Variants in KDM3A observed in about 807,000 individuals in gnomAD.
KDM3A encodes the protein lysine-specific demethylase 3A.
Under a neutral mutation model 158.0 loss-of-function variants are expected in KDM3A, and 60 were observed. The observed-to-expected ratio is 0.38, with a 90% CI of 0.31 to 0.47. KDM3A has a LOEUF of 0.47. Among genes scored for constraint, KDM3A ranks in the 20% least tolerant of loss-of-function variants. The pLI, the probability that KDM3A is intolerant of heterozygous loss-of-function variation, is 0.99. For synonymous variants in KDM3A, 608 were observed against 549.3 expected, an observed-to-expected ratio of 1.11 and a Z score of -1.49; for missense variants, 1,319 against 1,574.3, an observed-to-expected ratio of 0.84 and a Z score of 2.74.
At chr2:86,482,878 TC>T in intron 18 of KDM3A, 184 bp downstream of exon 18, 1 of 611,360 alleles carries the variant, frequency 1.6e-6, no homozygotes, top group Non-Finnish European at 2.8e-6. Context: ...AAGCAGATGG[TC>T]CTAAGCTGGA....
rs189404725 is a variant in KDM3A at position 86,485,972 on chromosome 2, C to G, written c.3313+113C>G. On this transcript the variant is annotated intron_variant, in intron 21 of 25. Coordinates refer to ENST00000312912, the MANE Select transcript of KDM3A (RefSeq NM_018433.6). ...ACACCCATAATCCTAATGCGTAATA[C>G]AGCCACAGCTTTCATTTTTACATAT... 19 of 1,044,166 alleles carry G rather than the reference C, an allele frequency of 1.8e-5. No individual in the cohort carries two copies. In the Admixed American group the frequency reaches 4.8e-4, roughly 26 times the overall value. The allele number at this position is 1,044,166 out of a possible 1,614,324, so 64.7% of individuals were successfully genotyped here.
chr2:86,467,019 G>C (rs1673186750), intron 10 of KDM3A, 136 bp downstream of exon 10: 2 of 727,606 alleles, frequency 2.7e-6, no homozygotes, highest in Admixed American at 6.2e-5. Flanking sequence ...TTGAAAGAAG[G>C]TATAATTCCC....
Position 86,492,169 on chromosome 2 carries a change from G to A in KDM3A, c.*50G>A, listed in dbSNP as rs892092247. Reference sequence around the variant, plus strand: ...TACAGGCAGCTGTTCAAACTCTTCAGGCAGGATTCCTGTGGACTTTGAGAT... The same window carrying A: ...TACAGGCAGCTGTTCAAACTCTTCAAGCAGGATTCCTGTGGACTTTGAGAT... On this transcript the variant is annotated 3_prime_UTR_variant, in exon 26 of 26. Coordinates refer to ENST00000312912, the MANE Select transcript of KDM3A (RefSeq NM_018433.6). 1.5e-6 allele frequency: 2 copies of A among 1,370,282 alleles called. No individual in the cohort carries two copies. Among genetic ancestry groups the A allele is most frequent in the Non-Finnish European group, 2.1e-6 (2 of 962,626 alleles). The allele number at this position is 1,370,282 out of a possible 1,614,324, so 84.9% of individuals were successfully genotyped here.
At chr2:86,450,452 C>T (rs1321954031) in intron 3 of KDM3A, among the ~76,000 whole-genome samples, 7 of 152,116 alleles carry the variant, frequency 4.6e-5, no homozygotes, top group Non-Finnish European at 1.0e-4. Flanking sequence ...CTTTAAGGTT[C>T]CCTCTGGATT....
At chr2:86,439,999 C>T (rs1305610949), upstream of KDM3A, among the ~76,000 whole-genome samples, 1 of 152,102 alleles carries the variant, frequency 6.6e-6, no homozygotes. Flanking sequence ...GTGAAATTAA[C>T]CCATTTACAT....
Position 86,492,257 on chromosome 2 carries a change from A to G in KDM3A, c.*138A>G, listed in dbSNP as rs1174224876. 1 of 638,778 alleles carries G rather than the reference A, an allele frequency of 1.6e-6. No individual in the cohort carries two copies. The highest frequency in any genetic ancestry group is 2.8e-6 in the Non-Finnish European group (1 of 357,112). 39.6% of individuals were successfully genotyped at this position (638,778 alleles called of 1,614,324 possible). A position where few individuals can be genotyped will look rare whatever the true frequency, so the allele number is the denominator to read the frequency against. On this transcript the variant is annotated 3_prime_UTR_variant, in exon 26 of 26. Coordinates refer to ENST00000312912, the MANE Select transcript of KDM3A (RefSeq NM_018433.6). ...CTTGTGAGGGTACTCTGTCTAATGT[A>G]TATTTCTAGTGTTTACAGACAGTAA...
At chr2:86,456,898 C>T (rs1672727877) in intron 7 of KDM3A, 21 bp downstream of exon 7, 1 of 1,584,294 alleles carries the variant, frequency 6.3e-7, no homozygotes, top group Non-Finnish European at 8.7e-7. Context: ...TTATTAAAAT[C>T]TTTCTTCTCC....
At chr2:86,460,569 G>A (rs1390252166) in intron 8 of KDM3A, among the ~76,000 whole-genome samples, 1 of 152,158 alleles carries the variant, frequency 6.6e-6, no homozygotes, top group Non-Finnish European at 1.5e-5. Flanking sequence ...CAAGACTCTT[G>A]ACTGTCTTGA....
intron 19 of KDM3A, 89 bp downstream of exon 19, chr2:86,484,247 C>A: frequency 8.8e-7 from 1 of 1,137,932 alleles, no homozygotes; most frequent in Non-Finnish European, 1.3e-6. Flanking sequence ...CAGTGGCAGC[C>A]GCAGCATTTT....
chr2:86,480,626 G>A (rs960192247), intron 16 of KDM3A, among the ~76,000 whole-genome samples: 1 of 152,184 alleles, frequency 6.6e-6, no homozygotes, highest in African/African-American at 2.4e-5. Flanking sequence ...AAGATCTGGA[G>A]CAAAATTTTA....
intron 11 of KDM3A, among the ~76,000 whole-genome samples, chr2:86,472,891 A>C (rs898299503): frequency 6.6e-6 from 1 of 152,156 alleles, no homozygotes. Context: ...TCTTGCTTTT[A>C]TATGAAGTAC....
At chr2:86,449,769 G>T (rs747307099) in intron 2 of KDM3A, 38 bp from the exon 3 acceptor site, 1 of 1,565,872 alleles carries the variant, frequency 6.4e-7, no homozygotes, top group South Asian at 1.2e-5. Flanking sequence ...TTAATAAATT[G>T]AATCTGCTTC....
intron 4 of KDM3A, 29 bp from the exon 5 acceptor site, chr2:86,455,056 T>A: frequency 7.6e-7 from 1 of 1,310,968 alleles, no homozygotes; most frequent in Non-Finnish European, 1.1e-6. Context: ...ACTGTTACCC[T>A]TAACATGTAA....
chr2:86,472,195 A>T (rs1673450515), intron 11 of KDM3A, among the ~76,000 whole-genome samples: 1 of 151,532 alleles, frequency 6.6e-6, no homozygotes, highest in African/African-American at 2.4e-5. Context: ...TTTTTGTAAC[A>T]GTCTAGAAGT....
At position 86,470,271 on chromosome 2, in the gene KDM3A, C is replaced by T. The variant is rs371780877; in HGVS notation, c.1587C>T (p.Ala529=). ...KLKKLQQSGE[A]FVQDDSCVNI... ...AAAAGCTGCAACAGAGTGGCGAGGC[C>T]TTCGTACAGGATGATTCTTGTGTGA... Residue 529 remains alanine, a synonymous_variant, in exon 11 of 26, where the codon GCC becomes GCT. Coordinates refer to ENST00000312912, the MANE Select transcript of KDM3A (RefSeq NM_018433.6). 46 of 1,613,970 alleles carry T rather than the reference C, an allele frequency of 2.9e-5. No individual in the cohort carries two copies. Among genetic ancestry groups the T allele is most frequent in the Non-Finnish European group, 3.8e-5 (45 of 1,180,000 alleles).
chr2:86,449,106 C>G (rs112083109), intron 2 of KDM3A, among the ~76,000 whole-genome samples: 36 of 152,270 alleles, frequency 2.4e-4, no homozygotes, highest in African/African-American at 8.4e-4. Flanking sequence ...AGGTCAGAAG[C>G]AGAAAACATT....
intron 16 of KDM3A, among the ~76,000 whole-genome samples, chr2:86,481,062 T>C (rs1460505732): frequency 6.6e-6 from 1 of 152,136 alleles, no homozygotes. Flanking sequence ...GAAATGAAGA[T>C]ACAGTCTGAC....
intron 12 of KDM3A, among the ~76,000 whole-genome samples, chr2:86,477,293 T>C (rs1158759592): frequency 6.6e-6 from 1 of 152,250 alleles, no homozygotes; most frequent in African/African-American, 2.4e-5. Context: ...GTGAAGAAAC[T>C]GATCTTGGAC....
At chr2:86,463,391 C>T (rs1673003530) in intron 8 of KDM3A, among the ~76,000 whole-genome samples, 1 of 144,196 alleles carries the variant, frequency 6.9e-6, no homozygotes, top group African/African-American at 2.7e-5. Flanking sequence ...ATGGTATAAA[C>T]TGTTAAGAAG....
Sources: gnomAD v4.1 joint callset for allele counts (sites outside exome capture counted in the v4.1 genomes callset) on GRCh38, gnomAD v4.1.1 for gene constraint, MANE v1.5 for transcripts, NCBI Gene and HGNC (gene_info 2026-07-23, HGNC 2026-07-21) for gene names.